PHGDH: variants seen among roughly 807,000 people sequenced by gnomAD.
PHGDH encodes the protein phosphoglycerate dehydrogenase.
A neutral mutation model predicts 52.6 loss-of-function variants in PHGDH; 50 were observed. That is an observed-to-expected ratio of 0.95 (90% confidence interval 0.76 to 1.20). PHGDH has a LOEUF of 1.20. PHGDH is among the 50% of genes most tolerant of loss of function. The probability of loss-of-function intolerance (pLI) is 0.00; values close to 1 mark genes in which losing one functional copy is unlikely to be tolerated. For synonymous variants in PHGDH, 271 were observed against 280.5 expected, an observed-to-expected ratio of 0.97 and a Z score of 0.34; for missense variants, 630 against 684.6, an observed-to-expected ratio of 0.92 and a Z score of 0.89.
At position 119,734,615 on chromosome 1, in the gene PHGDH, C is replaced by G. The variant is rs1203440941; in HGVS notation, c.511-19C>G. 7 of 1,613,076 alleles carry G rather than the reference C, an allele frequency of 4.3e-6. No homozygotes were observed. The highest frequency in any genetic ancestry group is 1.3e-5 in the African/African-American group (1 of 74,916). On this transcript the variant is annotated intron_variant, in intron 5 of 11. Coordinates refer to ENST00000641023, the MANE Select transcript of PHGDH (RefSeq NM_006623.4). The stretch of plus-strand genomic sequence containing the variant: ...TAATTAAGAATGACACTTCCTCCCT[C>G]TCTCTTGCTTCCAACCAGACTATAG...
In PHGDH at chr1:119,720,773, A is replaced by G. The variant is rs1012301222; in HGVS notation, c.139-397A>G. On this transcript the variant is annotated intron_variant, in intron 1 of 11. Coordinates refer to ENST00000641023, the MANE Select transcript of PHGDH (RefSeq NM_006623.4). ...CTCCCATTTTGAGCAAGCAATGTGC[A>G]GGAATGATAGGGTATACAGAGAGGA... 3.8e-5 allele frequency: 11 copies of G among 289,684 alleles called. No homozygotes were observed. In the Admixed American group the frequency reaches 4.6e-4, roughly 12 times the overall value. 17.9% of individuals were successfully genotyped at this position (289,684 alleles called of 1,614,324 possible). A position where few individuals can be genotyped will look rare whatever the true frequency, so the allele number is the denominator to read the frequency against.
intron 2 of PHGDH, among the ~76,000 whole-genome samples, chr1:119,722,239 T>C (rs1249263370): frequency 1.3e-5 from 2 of 152,128 alleles, no homozygotes; most frequent in Non-Finnish European, 2.9e-5. Flanking sequence ...TGTGGGAGGA[T>C]GAGAAGCCAG....
At chr1:119,735,042 A>G in intron 6 of PHGDH, 1 of 626,752 alleles carries the variant, frequency 1.6e-6, no homozygotes, top group South Asian at 1.9e-5. Context: ...TCTGATTCCC[A>G]GACCCACTTG....
At position 119,742,852 on chromosome 1, in the gene PHGDH, G is replaced by A. The variant is rs145344767; in HGVS notation, c.1255G>A (p.Gly419Arg). Residue 419 changes from glycine to arginine, a missense_variant, in exon 11 of 12, where the codon GGG becomes AGG. Transcript: ENST00000641023. Reference protein sequence around the residue: ...SPAAPGEQGFGECLLAVALAG... With the variant: ...SPAAPGEQGFRECLLAVALAG... Reference sequence around the variant, plus strand: ...TGCTGCACCAGGGGAGCAAGGCTTCGGGGAATGCCTCCTGGCCGTGGCCCT... The same window carrying A: ...TGCTGCACCAGGGGAGCAAGGCTTCAGGGAATGCCTCCTGGCCGTGGCCCT... 7.5e-5 allele frequency: 121 copies of A among 1,613,776 alleles called. No homozygotes were observed. The South Asian group carries it at 9.0e-4, about 12-fold the overall frequency.
At chr1:119,737,328 C>T in intron 8 of PHGDH, 62 bp downstream of exon 8, 9 of 1,410,216 alleles carry the variant, frequency 6.4e-6, no homozygotes, top group Admixed American at 1.7e-5. Flanking sequence ...AGGAAGGCAT[C>T]TTGTAGGGGC....
chr1:119,721,124 T>G, intron 1 of PHGDH, 46 bp from the exon 2 acceptor site: 1 of 1,596,670 alleles, frequency 6.3e-7, no homozygotes, highest in Non-Finnish European at 8.6e-7. Flanking sequence ...GCTTTACGAG[T>G]TCTCACAGAA....
chr1:119,727,617 CA>C, intron 5 of PHGDH: 1 of 172,408 alleles, frequency 5.8e-6, no homozygotes, highest in Admixed American at 5.6e-5. Flanking sequence ...ATCATGAGGT[CA>C]GGAGATCAAG....
At chr1:119,734,885 G>T (rs1651862005) in intron 6 of PHGDH, 119 bp downstream of exon 6, 3 of 1,132,962 alleles carry the variant, frequency 2.6e-6, no homozygotes, top group Non-Finnish European at 4.0e-6. Context: ...GGTCCACCTG[G>T]GTCCTGCAGA....
At chr1:119,716,622 T>C (rs587687040) in intron 1 of PHGDH, among the ~76,000 whole-genome samples, 13 of 152,212 alleles carry the variant, frequency 8.5e-5, no homozygotes, top group African/African-American at 3.1e-4. Flanking sequence ...TGGAACTTGA[T>C]GCTAGAGAGA....
At chr1:119,728,458 T>G (rs1651544839) in intron 5 of PHGDH, among the ~76,000 whole-genome samples, 1 of 152,188 alleles carries the variant, frequency 6.6e-6, no homozygotes, top group Admixed American at 6.5e-5. Flanking sequence ...ATGATATGAT[T>G]GTAGAGCCTA....
chr1:119,721,043 C>T (rs1393631197), intron 1 of PHGDH, 127 bp from the exon 2 acceptor site: 22 of 857,058 alleles, frequency 2.6e-5, no homozygotes, highest in Non-Finnish European at 3.9e-5. Context: ...TATGAACTGG[C>T]AGTCATCAGT....
chr1:119,723,643 C>T (rs1651272603), intron 3 of PHGDH, among the ~76,000 whole-genome samples: 1 of 152,052 alleles, frequency 6.6e-6, no homozygotes, highest in African/African-American at 2.4e-5. Flanking sequence ...TTCCCTAGTG[C>T]ACAAAGGTGC....
At chr1:119,740,070 G>T in intron 8 of PHGDH, 1 of 366,666 alleles carries the variant, frequency 2.7e-6, no homozygotes, top group Non-Finnish European at 5.2e-6. Flanking sequence ...CCTTTATTGT[G>T]CTGTCCAATC....
intron 6 of PHGDH, 111 bp from the exon 7 acceptor site, chr1:119,735,184 A>G (rs749177058): frequency 9.3e-5 from 131 of 1,406,640 alleles, no homozygotes; most frequent in Non-Finnish European, 1.2e-5. Flanking sequence ...CCAGCAGGAG[A>G]GAGGCTCTGG....
intron 2 of PHGDH, among the ~76,000 whole-genome samples, chr1:119,722,735 A>G (rs1651226843): frequency 6.6e-6 from 1 of 151,972 alleles, no homozygotes; most frequent in Non-Finnish European, 1.5e-5. Context: ...TACAAAAAAA[A>G]AAAAAGAAGG....
At position 119,735,296 on chromosome 1, in the gene PHGDH, C is replaced by T; in HGVS notation, c.645C>T (p.Gly215=). The T allele has an allele frequency of 6.2e-7, 1 of 1,614,204 alleles. No homozygotes were observed. Among genetic ancestry groups the T allele is most frequent in the Non-Finnish European group, 8.5e-7 (1 of 1,180,044 alleles). Residue 215 remains glycine (G), a splice_region_variant and synonymous_variant, in exon 7 of 12, where the codon GGC becomes GGT. Transcript: ENST00000641023. ...VHTPLLPSTT[G]LLNDNTFAQC... ...GGAAGATGCTTCGCTTTCTTCCAGG[C>T]TTGCTGAATGACAACACCTTTGCCC...
intron 6 of PHGDH, 112 bp downstream of exon 6, chr1:119,734,878 C>T (rs1557977074): frequency 1.7e-6 from 2 of 1,178,206 alleles, no homozygotes; most frequent in Non-Finnish European, 2.5e-6. Flanking sequence ...GGGGAGAGGT[C>T]CACCTGGGTC....
intron 3 of PHGDH, among the ~76,000 whole-genome samples, chr1:119,723,821 G>A (rs1166046046): frequency 6.6e-6 from 1 of 151,860 alleles, no homozygotes; most frequent in East Asian, 2.0e-4. Flanking sequence ...TACTTTTCAA[G>A]ATTAAGCTTC....
rs1248127025 is a variant in PHGDH, at chr1:119,712,492, C to G, written c.138+332C>G. On this transcript the variant is annotated intron_variant, in intron 1 of 11. Coordinates refer to ENST00000641023, the MANE Select transcript of PHGDH (RefSeq NM_006623.4). ...GGATGCCAGCGCGGCGCCCCAGCGCCTTAGCGCGCAATTGTTCTGGCAGCC... is the reference window on the plus strand; with the variant it reads ...GGATGCCAGCGCGGCGCCCCAGCGCGTTAGCGCGCAATTGTTCTGGCAGCC... 3 of 372,424 alleles carry G rather than the reference C, an allele frequency of 8.1e-6. No homozygotes were observed. In the East Asian group the frequency reaches 2.0e-4, roughly 24 times the overall value. The allele number at this position is 372,424 out of a possible 1,614,324, so 23.1% of individuals were successfully genotyped here.
Sources: gnomAD v4.1 joint callset for allele counts (sites outside exome capture counted in the v4.1 genomes callset) on GRCh38, gnomAD v4.1.1 for gene constraint, MANE v1.5 for transcripts, NCBI Gene and HGNC (gene_info 2026-07-23, HGNC 2026-07-21) for gene names.